The following AGFG1 variants were observed in gnomAD, a reference collection of about 807,000 sequenced individuals.
The protein encoded by AGFG1 is arf-GAP domain and FG repeat-containing protein 1.
A neutral mutation model predicts 60.6 loss-of-function variants in AGFG1; 10 were observed. The observed-to-expected ratio is 0.16, with a 90% CI of 0.10 to 0.28. The LOEUF (loss-of-function observed/expected upper bound fraction) is 0.28. AGFG1 is among the 10% of genes least tolerant of loss of function. The pLI, the probability that AGFG1 is intolerant of heterozygous loss-of-function variation, is 1.00. For synonymous variants in AGFG1, 247 were observed against 242.9 expected (o/e 1.02, Z -0.16); for missense variants, 537 against 676.5 (o/e 0.79, Z 2.29).
intron 2 of AGFG1, among the ~76,000 whole-genome samples, chr2:227,497,895 C>A (rs915414220): frequency 6.6e-6 from 1 of 151,768 alleles, no homozygotes; most frequent in Non-Finnish European, 1.5e-5. Flanking sequence ...CAGGCATGTA[C>A]CACCATGCCT....
At chr2:227,505,370 T>A (rs1310736046) in intron 2 of AGFG1, among the ~76,000 whole-genome samples, 1 of 152,222 alleles carries the variant, frequency 6.6e-6, no homozygotes, top group Non-Finnish European at 1.5e-5. Context: ...TTTACCAAAT[T>A]GGGAAAATTT....
intron 1 of AGFG1, among the ~76,000 whole-genome samples, chr2:227,482,409 C>T (rs528590910): frequency 1.3e-5 from 2 of 152,242 alleles, no homozygotes; most frequent in African/African-American, 2.4e-5. Flanking sequence ...CCAACATATA[C>T]GGTGTCTTGG....
intron 2 of AGFG1, among the ~76,000 whole-genome samples, chr2:227,503,116 C>G (rs972967310): frequency 6.6e-6 from 1 of 151,856 alleles, no homozygotes; most frequent in Admixed American, 6.6e-5. Context: ...ACCTGTATTC[C>G]CAGCTAGTTG....
chr2:227,535,801 A>G (rs1692292007), intron 8 of AGFG1, among the ~76,000 whole-genome samples: 2 of 152,158 alleles, frequency 1.3e-5, no homozygotes, highest in South Asian at 2.1e-4. Context: ...CTGGAAACAT[A>G]CTTTATATAT....
chr2:227,523,430 A>G (rs1011920268), intron 3 of AGFG1, among the ~76,000 whole-genome samples: 2 of 152,208 alleles, frequency 1.3e-5, no homozygotes, highest in Non-Finnish European at 2.9e-5. Flanking sequence ...AGTATGAACT[A>G]TTCATGGTGA....
intron 3 of AGFG1, among the ~76,000 whole-genome samples, chr2:227,522,934 C>T (rs1483680483): frequency 6.6e-6 from 1 of 152,188 alleles, no homozygotes; most frequent in African/African-American, 2.4e-5. Flanking sequence ...TTCCTCTTTC[C>T]ATGTCAAAGC....
intron 1 of AGFG1, among the ~76,000 whole-genome samples, chr2:227,484,218 T>G (rs1347669139): frequency 6.6e-6 from 1 of 152,198 alleles, no homozygotes; most frequent in African/African-American, 2.4e-5. Flanking sequence ...AGACGGAGTT[T>G]TACTCTGTGG....
intron 1 of AGFG1, among the ~76,000 whole-genome samples, chr2:227,490,062 C>T (rs1346986667): frequency 3.3e-5 from 5 of 152,078 alleles, no homozygotes; most frequent in Admixed American, 1.3e-4. Context: ...GTGAGCTCGT[C>T]GTCTCGGCCC....
chr2:227,548,532 T>G (rs938392345), intron 10 of AGFG1, among the ~76,000 whole-genome samples: 4 of 152,176 alleles, frequency 2.6e-5, no homozygotes, highest in Non-Finnish European at 4.4e-5. Flanking sequence ...GTTAGCAAAA[T>G]TCTGTGGAAA....
chr2:227,490,235 A>G (rs1289373273), intron 1 of AGFG1, among the ~76,000 whole-genome samples: 1 of 152,120 alleles, frequency 6.6e-6, no homozygotes, highest in East Asian at 1.9e-4. Context: ...TAAATATCCT[A>G]TTTAATTAGT....
At chr2:227,541,577 A>G (rs1353371087) in intron 10 of AGFG1, among the ~76,000 whole-genome samples, 2 of 152,202 alleles carry the variant, frequency 1.3e-5, no homozygotes, top group Non-Finnish European at 2.9e-5. Flanking sequence ...TACCAGTACC[A>G]TGCTGTTTTG....
At chr2:227,542,970 G>T (rs1199034672) in intron 10 of AGFG1, among the ~76,000 whole-genome samples, 2 of 152,054 alleles carry the variant, frequency 1.3e-5, no homozygotes, top group Admixed American at 1.3e-4. Flanking sequence ...TTCTCTGATG[G>T]TAGTTTGTAT....
chr2:227,521,335 G>A (rs2106206476), intron 3 of AGFG1, among the ~76,000 whole-genome samples: 1 of 152,270 alleles, frequency 6.6e-6, no homozygotes, highest in Admixed American at 6.5e-5. Flanking sequence ...CCAAAGTGCT[G>A]GGATTACAGT....
intron 2 of AGFG1, chr2:227,510,786 G>A (rs1216366380): frequency 1.3e-5 from 2 of 152,226 alleles, no homozygotes; most frequent in African/African-American, 4.8e-5. Flanking sequence ...TGAGCTGTGT[G>A]TGCTGCCCTT....
chr2:227,550,436 T>A (rs577409895), intron 10 of AGFG1, among the ~76,000 whole-genome samples: 39 of 152,324 alleles, frequency 2.6e-4, no homozygotes, highest in Non-Finnish European at 4.9e-4. Flanking sequence ...ACCATTTTAC[T>A]GCATTATTCC....
chr2:227,491,765 A>G (rs576825676), intron 2 of AGFG1, 125 bp downstream of exon 2: 1 of 529,252 alleles, frequency 1.9e-6, no homozygotes, highest in African/African-American at 2.0e-5. Flanking sequence ...TGTATTTTAT[A>G]TTTAGATATT....
intron 2 of AGFG1, among the ~76,000 whole-genome samples, chr2:227,494,102 A>T (rs926285236): frequency 6.6e-6 from 1 of 152,212 alleles, no homozygotes; most frequent in African/African-American, 2.4e-5. Context: ...CTTAGAACCA[A>T]AATAATGGAC....
chr2:227,489,223 G>GTTTTTTTTTTGT (rs1690726675), intron 1 of AGFG1, among the ~76,000 whole-genome samples: 1 of 74,782 alleles, frequency 1.3e-5, no homozygotes, highest in Non-Finnish European at 2.3e-5. Context: ...AGTTTTGAGA[G>GTTTTTTTTTTGT]TTTTTTTTTT....
chr2:227,484,918 C>T (rs1690580726), intron 1 of AGFG1, among the ~76,000 whole-genome samples: 1 of 151,886 alleles, frequency 6.6e-6, no homozygotes, highest in African/African-American at 2.4e-5. Flanking sequence ...CCATGTTAGC[C>T]AGGCTGGTCT....
Sources: allele counts gnomAD v4.1 joint callset (sites outside exome capture counted in the v4.1 genomes callset), GRCh38; gene constraint gnomAD v4.1.1; transcripts MANE v1.5; gene names NCBI Gene and HGNC (gene_info 2026-07-23, HGNC 2026-07-21).